The following SYT16 variants were observed in gnomAD, a reference collection of about 807,000 sequenced individuals.
SYT16 encodes the protein synaptotagmin-16.
A neutral mutation model predicts 61.4 loss-of-function variants in SYT16; 42 were observed. The ratio of observed to expected loss-of-function variants is 0.68; its 90% CI spans 0.53 to 0.89. SYT16 has a LOEUF of 0.89. Ranked by LOEUF, SYT16 falls within the 40% of genes least tolerant of loss-of-function variation. The pLI is 0.00. For synonymous variants in SYT16, 314 were observed against 302.3 expected (o/e 1.04, Z -0.40); for missense variants, 804 against 807.3 (o/e 1.00, Z 0.05).
intron 1 of SYT16, chr14:61,865,405 C>A (rs2047116170): frequency 1.6e-6 from 1 of 614,964 alleles, no homozygotes; most frequent in Non-Finnish European, 3.1e-6. Context: ...GATTTACAAA[C>A]TGGGAAATGA....
rs187659851 is a variant in SYT16 at position 61,836,213 on chromosome 14, T to C, written c.-325+23403T>C. Among the ~76,000 whole-genome samples the C allele has an allele frequency of 5.2e-4, 79 of 152,316 alleles. 1 individual carries two copies. The highest frequency in any genetic ancestry group is 4.9e-3 in the Admixed American group (75 of 15,298). ...TATCCTTCATACACATCATAGAAAT[T>C]GAATTCCTGGGGGTTGATTTCTCAT... On this transcript the variant is annotated intron_variant, in intron 1 of 7. Transcript: ENST00000683842.
At chr14:62,056,977 C>T (rs2055588314) in intron 3 of SYT16, among the ~76,000 whole-genome samples, 1 of 152,086 alleles carries the variant, frequency 6.6e-6, no homozygotes. Context: ...AGACGTGTTC[C>T]GAAACGTGAG....
intron 3 of SYT16, among the ~76,000 whole-genome samples, chr14:62,013,090 C>T (rs968027640): frequency 1.3e-5 from 2 of 152,120 alleles, no homozygotes; most frequent in Non-Finnish European, 2.9e-5. Context: ...GTAACCTTAA[C>T]TTATGGTAGA....
intron 1 of SYT16, among the ~76,000 whole-genome samples, chr14:61,827,761 C>T (rs1343213309): frequency 6.6e-6 from 1 of 152,116 alleles, no homozygotes; most frequent in Non-Finnish European, 1.5e-5. Context: ...ACTGTACATA[C>T]TGAACTTCTG....
intron 1 of SYT16, among the ~76,000 whole-genome samples, chr14:61,813,579 G>A (rs1239466470): frequency 6.6e-6 from 1 of 152,188 alleles, no homozygotes; most frequent in Non-Finnish European, 1.5e-5. Context: ...CCTAGCACAG[G>A]TGTGGCGCAT....
chr14:62,020,338 A>G (rs1349887115), intron 3 of SYT16, among the ~76,000 whole-genome samples: 12 of 152,294 alleles, frequency 7.9e-5, no homozygotes, highest in African/African-American at 2.9e-4. Flanking sequence ...CTTGTATAAT[A>G]TAATATATAA....
chr14:61,820,479 T>TTG (rs1379505768), intron 1 of SYT16, among the ~76,000 whole-genome samples: 4 of 132,016 alleles, frequency 3.0e-5, no homozygotes, highest in Non-Finnish European at 4.8e-5. Flanking sequence ...GTTTTTTTTT[T>TTG]TTTTTTTTTT....
chr14:61,815,303 G>C (rs2045393584), intron 1 of SYT16, among the ~76,000 whole-genome samples: 1 of 152,188 alleles, frequency 6.6e-6, no homozygotes. Flanking sequence ...GTCCTGTCTT[G>C]TCACCATGCA....
At chr14:61,814,231 C>T (rs1033472008) in intron 1 of SYT16, among the ~76,000 whole-genome samples, 3 of 152,150 alleles carry the variant, frequency 2.0e-5, no homozygotes, top group Non-Finnish European at 2.9e-5. Flanking sequence ...CCAAATTTCC[C>T]TTTCCTCAGC....
chr14:62,065,710 A>G (rs1053111245), intron 3 of SYT16, among the ~76,000 whole-genome samples: 1 of 152,156 alleles, frequency 6.6e-6, no homozygotes, highest in African/African-American at 2.4e-5. Context: ...CACCCCTCAC[A>G]TTCATGTATC....
chr14:62,073,477 G>A lies in SYT16; in HGVS notation c.737-1658G>A, dbSNP rs547723103. ...GGATTTTTCCTTGTTCTGTCATTTT[G>A]TGTGGCCTGTTTTTAGGATGTTTGC... On this transcript the variant is annotated intron_variant, in intron 4 of 7. Transcript: ENST00000683842. Among the ~76,000 whole-genome samples the A allele has an allele frequency of 5.3e-5, 8 of 152,218 alleles. No individual in the cohort carries two copies. The East Asian group carries it at 1.5e-3, about 29-fold the overall frequency.
Position 62,084,376 on chromosome 14 carries a change from C to T in SYT16, c.1615C>T (p.Arg539Ter), listed in dbSNP as rs759960875. The change falls in exon 7 of 8, where the codon CGA (arginine) becomes TGA (stop). Residue 539 changes from arginine (R) to a stop codon, truncating the protein, a stop_gained. Transcript: ENST00000683842. LOFTEE classifies it high-confidence loss of function. Reference protein sequence around the residue: ...GSHFRNLAVNRAPDTYGKLFL... With the variant: ...GSHFRNLAVN Reference sequence around the variant, plus strand: ...CCATTTCCGAAACCTCGCTGTTAACCGAGCACCTGGTAAGTGTGAGTCTGT... The same window carrying T: ...CCATTTCCGAAACCTCGCTGTTAACTGAGCACCTGGTAAGTGTGAGTCTGT... 8.1e-6 allele frequency: 13 copies of T among 1,611,678 alleles called. No individual in the cohort carries two copies. Among genetic ancestry groups the T allele is most frequent in the East Asian group, 2.2e-5 (1 of 44,800 alleles).
At chr14:61,969,978 G>A (rs759148351) in intron 1 of SYT16, among the ~76,000 whole-genome samples, 154 bp from the exon 2 acceptor site, 1 of 152,174 alleles carries the variant, frequency 6.6e-6, no homozygotes, top group Non-Finnish European at 1.5e-5. Context: ...CACAGTCTTG[G>A]GGGATGTCAG....
chr14:61,934,561 A>C (rs1393822029), intron 1 of SYT16, among the ~76,000 whole-genome samples: 2 of 152,230 alleles, frequency 1.3e-5, no homozygotes, highest in Non-Finnish European at 2.9e-5. Context: ...GTATTATTAT[A>C]GCCAGTGCTA....
At chr14:62,004,447 A>G (rs538450994) in intron 3 of SYT16, among the ~76,000 whole-genome samples, 2 of 152,264 alleles carry the variant, frequency 1.3e-5, no homozygotes, top group Non-Finnish European at 2.9e-5. Context: ...GGGGACACAG[A>G]GGGAAACCGT....
intron 3 of SYT16, among the ~76,000 whole-genome samples, chr14:62,039,384 A>C (rs2054628138): frequency 6.6e-6 from 1 of 152,190 alleles, no homozygotes; most frequent in South Asian, 2.1e-4. Context: ...TAGATTCATA[A>C]AGTATTCTAA....
chr14:62,086,284 G>A (rs557628920), intron 7 of SYT16, among the ~76,000 whole-genome samples: 2 of 152,208 alleles, frequency 1.3e-5, no homozygotes, highest in Non-Finnish European at 2.9e-5. Flanking sequence ...TTTGAGACCA[G>A]CCTGGCCAAC....
At chr14:61,852,320 A>G (rs978589535) in intron 1 of SYT16, among the ~76,000 whole-genome samples, 1 of 152,186 alleles carries the variant, frequency 6.6e-6, no homozygotes, top group Non-Finnish European at 1.5e-5. Flanking sequence ...TGGTTACTGT[A>G]GCCTTGTAGG....
At chr14:61,920,561 C>T (rs1038188278) in intron 1 of SYT16, among the ~76,000 whole-genome samples, 1 of 152,152 alleles carries the variant, frequency 6.6e-6, no homozygotes, top group Non-Finnish European at 1.5e-5. Flanking sequence ...AAATTTATAT[C>T]TCTAGGTCCA....
Sources: allele counts gnomAD v4.1 joint callset (sites outside exome capture counted in the v4.1 genomes callset), GRCh38; gene constraint gnomAD v4.1.1; transcripts MANE v1.5; gene names NCBI Gene and HGNC (gene_info 2026-07-23, HGNC 2026-07-21).